The following SH3D19 variants were observed in gnomAD, a reference collection of about 807,000 sequenced individuals.
The protein encoded by SH3D19 is SH3 domain-containing protein 19.
SH3D19 carries 58 observed loss-of-function variants against 112.1 expected under a neutral mutation model. The observed-to-expected ratio is 0.52, with a 90% CI of 0.42 to 0.64. The LOEUF is 0.64. Ranked by LOEUF, SH3D19 falls within the 30% of genes least tolerant of loss-of-function variation. SH3D19 has a pLI of 0.00. For missense variants in SH3D19, 1,090 were observed against 1,263.4 expected (o/e 0.86, Z 2.08); for synonymous variants, 391 against 448.5 (o/e 0.87, Z 1.62).
At chr4:151,298,181 A>ATTTTT (rs386401883) in intron 1 of SH3D19, among the ~76,000 whole-genome samples, 98 of 94,898 alleles carry the variant, frequency 1.0e-3, no homozygotes, top group African/African-American at 1.7e-3. Flanking sequence ...AGAATAATAA[A>ATTTTT]TTTTTTTTTT....
chr4:151,229,585 T>C (rs771077877), intron 1 of SH3D19, among the ~76,000 whole-genome samples: 1 of 152,180 alleles, frequency 6.6e-6, no homozygotes, highest in Admixed American at 6.5e-5. Context: ...AACTGAGGAA[T>C]AGAAAAGTAC....
chr4:151,157,763 A>G (rs1416419606), intron 9 of SH3D19, among the ~76,000 whole-genome samples: 1 of 152,256 alleles, frequency 6.6e-6, no homozygotes, highest in Non-Finnish European at 1.5e-5. Flanking sequence ...GCCATAAAAA[A>G]GAATGGAATC....
intron 17 of SH3D19, among the ~76,000 whole-genome samples, chr4:151,128,562 CTAAA>C (rs1160361965): frequency 6.6e-6 from 1 of 152,162 alleles, no homozygotes; most frequent in African/African-American, 2.4e-5. Flanking sequence ...AATTATAACT[CTAAA>C]TGACAAGTGT....
At chr4:151,132,895 A>C in intron 16 of SH3D19, 139 bp downstream of exon 16, 1 of 787,226 alleles carries the variant, frequency 1.3e-6, no homozygotes, top group East Asian at 2.7e-5. Flanking sequence ...TATCCCACAC[A>C]AATTCCCATT....
At chr4:151,292,270 G>C (rs913883160) in intron 1 of SH3D19, among the ~76,000 whole-genome samples, 1 of 151,430 alleles carries the variant, frequency 6.6e-6, no homozygotes, top group Non-Finnish European at 1.5e-5. Context: ...CTGCACTCCA[G>C]ACTGGGCAAC....
At position 151,174,640 on chromosome 4, in the gene SH3D19, A is replaced by T. The variant is rs143111480; in HGVS notation, c.1534+30T>A. The T allele has an allele frequency of 3.4e-6, 5 of 1,490,864 alleles. No homozygotes were observed. In the African/African-American group the frequency reaches 4.2e-5, roughly 13 times the overall value. 92.4% of individuals were successfully genotyped at this position (1,490,864 alleles called of 1,614,324 possible). The stretch of plus-strand genomic sequence containing the variant: ...TTAAAATACCCTATCATGAGTTTAG[A>T]TTCCCCTCCACTGCTGATTTTTCAC... On this transcript the variant is annotated intron_variant, in intron 7 of 19. Transcript: ENST00000604030.
intron 9 of SH3D19, among the ~76,000 whole-genome samples, chr4:151,154,051 T>C (rs914437492): frequency 6.6e-6 from 1 of 151,918 alleles, no homozygotes; most frequent in African/African-American, 2.4e-5. Context: ...AACCTCTTCC[T>C]CCTGGGTTTA....
In SH3D19 at chr4:151,129,265, C is replaced by T. The variant is rs574175461; in HGVS notation, c.2743-909G>A. On this transcript the variant is annotated intron_variant, in intron 17 of 19. Transcript: ENST00000604030. ...TGGGCTAGTGTAAGAACACTTTTAT[C>T]CCAGGCACATTAGAGAAAGGTTTTG... 1.3e-3 allele frequency among the ~76,000 whole-genome samples: 191 copies of T among 152,176 alleles called. 1 individual carries two copies. Among genetic ancestry groups the T allele is most frequent in the Non-Finnish European group, 9.7e-4 (66 of 68,026 alleles).
At position 151,237,111 on chromosome 4, in the gene SH3D19, C is replaced by T. The variant is rs114017713; in HGVS notation, c.113-11025G>A. On this transcript the variant is annotated intron_variant, in intron 1 of 19. Transcript: ENST00000604030. Reference sequence around the variant, plus strand: ...CCTTTATGAGCTGTAACATGCACCGCGAAAGTCTGCAGCTTCACTCCTGAA... The same window carrying T: ...CCTTTATGAGCTGTAACATGCACCGTGAAAGTCTGCAGCTTCACTCCTGAA... 4.9e-3 allele frequency among the ~76,000 whole-genome samples: 739 copies of T among 152,092 alleles called. 10 individuals carry two copies. Among genetic ancestry groups the T allele is most frequent in the African/African-American group, 0.017 (694 of 41,488 alleles).
At chr4:151,250,577 C>A (rs1398662435) in intron 1 of SH3D19, among the ~76,000 whole-genome samples, 1 of 151,862 alleles carries the variant, frequency 6.6e-6, no homozygotes, top group Non-Finnish European at 1.5e-5. Flanking sequence ...GAAGTGGAGA[C>A]AATAAGGAAG....
At chr4:151,128,045 T>A (rs896153138) in intron 18 of SH3D19, 125 bp downstream of exon 18, 2 of 696,680 alleles carry the variant, frequency 2.9e-6, no homozygotes, top group Non-Finnish European at 4.3e-6. Context: ...CATAACTTCA[T>A]GTATCAGCTC....
At chr4:151,234,888 T>C (rs923268265) in intron 1 of SH3D19, among the ~76,000 whole-genome samples, 2 of 151,676 alleles carry the variant, frequency 1.3e-5, no homozygotes, top group Non-Finnish European at 2.9e-5. Flanking sequence ...GGACTACAGG[T>C]ATGTGCCATC....
At chr4:151,254,898 C>G (rs1353180033) in intron 1 of SH3D19, among the ~76,000 whole-genome samples, 4 of 150,868 alleles carry the variant, frequency 2.7e-5, no homozygotes, top group African/African-American at 9.7e-5. Context: ...TAGGGGCGGC[C>G]GGGCAGAGGC....
intron 1 of SH3D19, among the ~76,000 whole-genome samples, chr4:151,269,644 T>C (rs985348451): frequency 2.6e-5 from 4 of 152,120 alleles, no homozygotes; most frequent in Non-Finnish European, 5.9e-5. Flanking sequence ...TAAATTAATC[T>C]CTGCTTACTA....
At chr4:151,243,578 T>C (rs1024260539) in intron 1 of SH3D19, among the ~76,000 whole-genome samples, 2 of 152,230 alleles carry the variant, frequency 1.3e-5, no homozygotes, top group African/African-American at 4.8e-5. Context: ...TTAAGTCCTA[T>C]ATGGACAAGA....
intron 1 of SH3D19, among the ~76,000 whole-genome samples, chr4:151,272,557 CTT>C (rs769512874): frequency 1.3e-5 from 2 of 152,176 alleles, no homozygotes; most frequent in African/African-American, 2.4e-5. Flanking sequence ...ACTTATGTCT[CTT>C]AAGTGTCATA....
chr4:151,205,098 G>C (rs1764911703), intron 2 of SH3D19, among the ~76,000 whole-genome samples: 1 of 152,156 alleles, frequency 6.6e-6, no homozygotes, highest in Non-Finnish European at 1.5e-5. Flanking sequence ...TGGGATTACA[G>C]GCATGAGCCA....
chr4:151,187,270 G>T (rs1255019525), intron 3 of SH3D19, among the ~76,000 whole-genome samples, 153 bp downstream of exon 3: 1 of 152,164 alleles, frequency 6.6e-6, no homozygotes, highest in African/African-American at 2.4e-5. Flanking sequence ...AGGCTGAAAA[G>T]TAGCTGTTTG....
At chr4:151,130,742 C>A (rs1241962247) in intron 17 of SH3D19, among the ~76,000 whole-genome samples, 1 of 152,122 alleles carries the variant, frequency 6.6e-6, no homozygotes, top group African/African-American at 2.4e-5. Flanking sequence ...GAGTTCAAGA[C>A]CAGCCTGGCC....
Sources: gnomAD v4.1 joint callset for allele counts (sites outside exome capture counted in the v4.1 genomes callset) on GRCh38, gnomAD v4.1.1 for gene constraint, MANE v1.5 for transcripts, NCBI Gene and HGNC (gene_info 2026-07-23, HGNC 2026-07-21) for gene names.